Variants in SCFD2 observed in about 807,000 individuals in gnomAD.
SCFD2 encodes sec1 family domain containing 2, also known as sec1 family domain-containing protein 2.
SCFD2 carries 54 observed loss-of-function variants against 58.9 expected under a neutral mutation model. The observed-to-expected ratio is 0.92, with a 90% CI of 0.74 to 1.15. SCFD2 has a LOEUF of 1.15. SCFD2 is among the 50% of genes most tolerant of loss of function. The probability of loss-of-function intolerance (pLI) is 0.00; values close to 1 mark genes in which losing one functional copy is unlikely to be tolerated. For missense variants in SCFD2, 805 were observed against 836.6 expected (o/e 0.96, Z 0.47); for synonymous variants, 321 against 335.9 (o/e 0.96, Z 0.49).
At chr4:53,185,602 T>G (rs1209275997) in intron 4 of SCFD2, among the ~76,000 whole-genome samples, 1 of 152,050 alleles carries the variant, frequency 6.6e-6, no homozygotes, top group African/African-American at 2.4e-5. Flanking sequence ...ATATAATTTT[T>G]TAAAACTCTT....
chr4:53,237,675 G>T (rs1454051943), intron 4 of SCFD2, among the ~76,000 whole-genome samples: 8 of 129,748 alleles, frequency 6.2e-5, no homozygotes, highest in African/African-American at 5.9e-5. Flanking sequence ...CGGACGGGGC[G>T]GCTGGCCGGG....
At chr4:52,926,773 G>A (rs1047301204) in intron 5 of SCFD2, among the ~76,000 whole-genome samples, 2 of 152,090 alleles carry the variant, frequency 1.3e-5, no homozygotes, top group Non-Finnish European at 1.5e-5. Flanking sequence ...TGGGCTCCTG[G>A]GGCAGTTAGA....
At chr4:53,272,205 C>G (rs188011021) in intron 4 of SCFD2, among the ~76,000 whole-genome samples, 17,009 of 151,612 alleles carry the variant, frequency 0.11, 1,093 homozygotes, top group East Asian at 0.22. Flanking sequence ...CAGGAAACAA[C>G]AGGTGCTGGA....
chr4:52,950,420 C>G (rs539297305), intron 5 of SCFD2: 1 of 152,172 alleles, frequency 6.6e-6, no homozygotes, highest in African/African-American at 2.4e-5. Flanking sequence ...GGCCCTGCCC[C>G]CTAGCCATCT....
chr4:53,321,140 A>ATAACCTGC (rs1733010423), intron 2 of SCFD2, among the ~76,000 whole-genome samples: 1 of 131,236 alleles, frequency 7.6e-6, no homozygotes, highest in Non-Finnish European at 1.6e-5. Flanking sequence ...ACACATAATA[A>ATAACCTGC]TAACCTGCTA....
intron 4 of SCFD2, among the ~76,000 whole-genome samples, chr4:53,156,639 C>T (rs1018211760): frequency 2.0e-5 from 3 of 152,166 alleles, no homozygotes; most frequent in African/African-American, 4.8e-5. Flanking sequence ...CGGAGCTTGC[C>T]GTGAGCCGAG....
intron 4 of SCFD2, among the ~76,000 whole-genome samples, chr4:53,241,684 G>A (rs560632585): frequency 5.9e-5 from 9 of 152,264 alleles, no homozygotes; most frequent in South Asian, 2.1e-4. Context: ...CTTGCCTTCC[G>A]TCCCATGCCA....
intron 4 of SCFD2, among the ~76,000 whole-genome samples, chr4:53,178,055 C>A (rs752157592): frequency 1.2e-4 from 19 of 152,224 alleles, no homozygotes; most frequent in Non-Finnish European, 2.1e-4. Context: ...GGAGGCCTAC[C>A]TGCCTCTGTA....
chr4:53,268,538 A>G (rs73250948), intron 4 of SCFD2, among the ~76,000 whole-genome samples: 2 of 152,294 alleles, frequency 1.3e-5, no homozygotes, highest in African/African-American at 2.4e-5. Context: ...GGGCAGCTAA[A>G]GAAGGCAGTA....
At position 52,885,781 on chromosome 4, in the gene SCFD2, T is replaced by C. The variant is rs759873539; in HGVS notation, c.1928A>G (p.Lys643Arg). The change falls in exon 8 of 9, where the codon AAA becomes AGA. Residue 643 changes from lysine (K) to arginine (R), a missense_variant. Physicochemically the swap from Lys to Arg is conservative, Grantham distance 26. Around this residue, in one of 3 missense-constraint regions of SCFD2, gnomAD observed 633 missense variants for 646.8 expected, o/e 0.98. Coordinates refer to ENST00000401642, the MANE Select transcript of SCFD2 (RefSeq NM_152540.4). ...TGGCTTCAACGATGCCACAAGATCT[T>C]TGACCATTTTCACTTCAGAGACTGT... ...GVTVSEVKMV[K>R]DLVASLKPGT... 12 of 1,614,090 alleles carry C rather than the reference T, an allele frequency of 7.4e-6. No homozygotes were observed. In the South Asian group the frequency reaches 1.1e-4, roughly 15 times the overall value.
At chr4:53,105,606 C>CA (rs1417131339) in intron 5 of SCFD2, among the ~76,000 whole-genome samples, 1 of 152,212 alleles carries the variant, frequency 6.6e-6, no homozygotes, top group African/African-American at 2.4e-5. Flanking sequence ...TGCAGCTCCG[C>CA]AAAGCCGCAG....
At chr4:52,983,356 C>G (rs1409403056) in intron 5 of SCFD2, among the ~76,000 whole-genome samples, 1 of 152,070 alleles carries the variant, frequency 6.6e-6, no homozygotes, top group African/African-American at 2.4e-5. Context: ...TTAAGTGTTT[C>G]CAAGAGAAGG....
At chr4:53,281,876 C>T (rs182349903) in intron 3 of SCFD2, among the ~76,000 whole-genome samples, 5 of 152,226 alleles carry the variant, frequency 3.3e-5, no homozygotes, top group East Asian at 3.9e-4. Flanking sequence ...TTCCCTCTTT[C>T]GTCTTTTAAA....
At chr4:53,355,001 G>A (rs1734359863) in intron 1 of SCFD2, among the ~76,000 whole-genome samples, 1 of 152,056 alleles carries the variant, frequency 6.6e-6, no homozygotes. Flanking sequence ...ATTGCTTCAA[G>A]GGCTAAACTT....
chr4:52,899,957 G>C (rs1577810540), intron 7 of SCFD2, among the ~76,000 whole-genome samples: 1 of 152,058 alleles, frequency 6.6e-6, no homozygotes, highest in Non-Finnish European at 1.5e-5. Context: ...ACTTAGGCTT[G>C]TGCATTCGTC....
In SCFD2 at chr4:52,933,591, G is replaced by A. The variant is rs150570168; in HGVS notation, c.1562-12721C>T. Among the ~76,000 whole-genome samples, 975 of 152,242 alleles carry A rather than the reference G, an allele frequency of 6.4e-3. 7 individuals carry two copies. Among genetic ancestry groups the A allele is most frequent in the Middle Eastern group, 0.014 (4 of 294 alleles). On this transcript the variant is annotated intron_variant, in intron 5 of 8. Coordinates refer to ENST00000401642, the MANE Select transcript of SCFD2 (RefSeq NM_152540.4). The stretch of plus-strand genomic sequence containing the variant: ...CTCTTTCCTTCTGCAGGATGGGGAT[G>A]GGGAGAGTTAAAGAACTGGTGAACT...
At chr4:53,035,826 A>C (rs1722744100) in intron 5 of SCFD2, among the ~76,000 whole-genome samples, 4 of 152,160 alleles carry the variant, frequency 2.6e-5, no homozygotes, top group Admixed American at 2.6e-4. Context: ...TCAGGAAACA[A>C]CAGATACTGG....
intron 5 of SCFD2, among the ~76,000 whole-genome samples, chr4:53,113,299 G>A (rs1056583623): frequency 6.6e-6 from 1 of 151,994 alleles, no homozygotes; most frequent in African/African-American, 2.4e-5. Context: ...CCCTTACTTT[G>A]GCCAATGAAA....
chr4:52,932,603 T>C (rs747101041), intron 5 of SCFD2, among the ~76,000 whole-genome samples: 3 of 152,196 alleles, frequency 2.0e-5, no homozygotes, highest in Non-Finnish European at 4.4e-5. Context: ...TTCTGATCTA[T>C]TTGAGAAAGA....
Sources: allele counts gnomAD v4.1 joint callset (sites outside exome capture counted in the v4.1 genomes callset), GRCh38; gene constraint gnomAD v4.1.1; regional missense constraint gnomAD v4.1.1; transcripts MANE v1.5; gene names NCBI Gene and HGNC (gene_info 2026-07-23, HGNC 2026-07-21).